Variants in ROBO2 observed in about 807,000 individuals in gnomAD.
ROBO2 encodes the protein roundabout homolog 2.
ROBO2 carries 53 observed loss-of-function variants against 160.8 expected under a neutral mutation model. The observed-to-expected ratio is 0.33, with a 90% CI of 0.26 to 0.41. The LOEUF is 0.41. Ranked by LOEUF, ROBO2 falls within the 10% of genes least tolerant of loss-of-function variation. The probability of loss-of-function intolerance (pLI) is 1.00; values close to 1 mark genes in which losing one functional copy is unlikely to be tolerated. For missense variants in ROBO2, 1,577 were observed against 1,722.4 expected (o/e 0.92, Z 1.49); for synonymous variants, 664 against 611.7 (o/e 1.09, Z -1.26).
chr3:76,216,125 C>T (rs1306326588), intron 2 of ROBO2, among the ~76,000 whole-genome samples: 1 of 152,142 alleles, frequency 6.6e-6, no homozygotes, highest in Non-Finnish European at 1.5e-5. Flanking sequence ...GATTGTGTCA[C>T]CACCAGGCCT....
intron 2 of ROBO2, among the ~76,000 whole-genome samples, chr3:76,995,466 A>C (rs2060945074): frequency 6.6e-6 from 1 of 152,198 alleles, no homozygotes; most frequent in South Asian, 2.1e-4. Context: ...GTATATACCC[A>C]GTAATGGGAT....
chr3:77,551,493 T>A (rs2092919978), intron 8 of ROBO2, among the ~76,000 whole-genome samples: 1 of 152,060 alleles, frequency 6.6e-6, no homozygotes, highest in Non-Finnish European at 1.5e-5. Flanking sequence ...AAATTATTAT[T>A]TTTATTGGCA....
chr3:76,973,796 C>T (rs2059684067), intron 2 of ROBO2, among the ~76,000 whole-genome samples: 1 of 152,000 alleles, frequency 6.6e-6, no homozygotes, highest in South Asian at 2.1e-4. Flanking sequence ...TTTTTGCCAC[C>T]CCATCCCATC....
At chr3:77,298,986 A>G (rs567140249) in intron 2 of ROBO2, among the ~76,000 whole-genome samples, 2 of 152,330 alleles carry the variant, frequency 1.3e-5, no homozygotes, top group Admixed American at 6.5e-5. Context: ...CTTCTAGGGC[A>G]AACAGAATTG....
rs1402032631 is a variant in ROBO2 at position 77,087,400 on chromosome 3, T to C, written c.62-10614T>C. 2.6e-5 allele frequency among the ~76,000 whole-genome samples: 4 copies of C among 152,248 alleles called. No individual in the cohort carries two copies. In the East Asian group the frequency reaches 7.7e-4, roughly 29 times the overall value. ...AGCTGTCTTCCTGGAATAGGGATTG[T>C]TTTTGTCATTGAAAGGTAAATCTGC... On this transcript the variant is annotated intron_variant, in intron 1 of 25. Coordinates refer to ENST00000461745, the Ensembl canonical transcript of ROBO2.
chr3:77,137,975 A>G (rs2076409304), intron 2 of ROBO2, among the ~76,000 whole-genome samples: 1 of 152,002 alleles, frequency 6.6e-6, no homozygotes, highest in Non-Finnish European at 1.5e-5. Context: ...TTTTTTTTCA[A>G]TATGCCAGAC....
At chr3:76,055,188 G>GA (rs1197620181) in intron 2 of ROBO2, among the ~76,000 whole-genome samples, 1 of 152,000 alleles carries the variant, frequency 6.6e-6, no homozygotes, top group African/African-American at 2.4e-5. Context: ...GAACAGCATG[G>GA]AAAAAACCGC....
intron 2 of ROBO2, among the ~76,000 whole-genome samples, chr3:77,283,003 A>G (rs1226528510): frequency 1.3e-5 from 2 of 152,194 alleles, no homozygotes; most frequent in South Asian, 4.1e-4. Flanking sequence ...TGAGAATTTA[A>G]ATGTCAATTA....
chr3:76,975,127 T>C (rs996686072), intron 2 of ROBO2, among the ~76,000 whole-genome samples: 7 of 152,196 alleles, frequency 4.6e-5, no homozygotes, highest in African/African-American at 1.7e-4. Flanking sequence ...TTAGTTGATG[T>C]CATTGTTTAT....
intron 2 of ROBO2, among the ~76,000 whole-genome samples, chr3:76,160,824 AC>A (rs1180589203): frequency 6.6e-5 from 10 of 152,148 alleles, no homozygotes; most frequent in Non-Finnish European, 1.2e-4. Context: ...TAGCAAAAAA[AC>A]CCATGAAATA....
intron 2 of ROBO2, among the ~76,000 whole-genome samples, chr3:76,701,996 A>G (rs1406277040): frequency 6.6e-6 from 1 of 152,046 alleles, no homozygotes; most frequent in African/African-American, 2.4e-5. Context: ...CTTTTTCTGC[A>G]CCAATATCTA....
intron 2 of ROBO2, among the ~76,000 whole-genome samples, chr3:76,674,837 A>G (rs1468632029): frequency 1.3e-5 from 2 of 152,154 alleles, no homozygotes; most frequent in African/African-American, 2.4e-5. Flanking sequence ...TGTTTTTGAG[A>G]AAGTCTGGCT....
At chr3:76,958,833 A>G (rs1577840688) in intron 2 of ROBO2, among the ~76,000 whole-genome samples, 2 of 152,210 alleles carry the variant, frequency 1.3e-5, no homozygotes, top group East Asian at 3.9e-4. Context: ...GTGTATTCAC[A>G]TATGTTTTGC....
intron 1 of ROBO2, 122 bp downstream of exon 1, chr3:77,040,968 G>T: frequency 7.7e-7 from 1 of 1,304,864 alleles, no homozygotes. Flanking sequence ...AGTCCGTTTT[G>T]GCCCGGCACG....
intron 2 of ROBO2, among the ~76,000 whole-genome samples, chr3:76,584,987 G>A (rs2085944139): frequency 6.6e-6 from 1 of 152,136 alleles, no homozygotes; most frequent in South Asian, 2.1e-4. Context: ...TTCAACAGCA[G>A]TTCATTCATC....
intron 2 of ROBO2, among the ~76,000 whole-genome samples, chr3:76,132,398 G>A (rs1055807039): frequency 7.7e-6 from 1 of 130,626 alleles, no homozygotes; most frequent in African/African-American, 2.8e-5. Context: ...GACTGTTGGG[G>A]GGGGGGGGGG....
chr3:77,648,404 T>C (rs1271456980), exon 26 of ROBO2: 1 of 152,328 alleles, frequency 6.6e-6, no homozygotes, highest in East Asian at 1.9e-4. Flanking sequence ...AGTATGTGTG[T>C]GCAGATGACT....
intron 2 of ROBO2, among the ~76,000 whole-genome samples, chr3:76,712,948 A>C (rs762086927): frequency 6.0e-4 from 92 of 152,314 alleles, no homozygotes; most frequent in Middle Eastern, 3.4e-3. Flanking sequence ...ATGTTTCTAA[A>C]ACTTATTTTC....
chr3:76,953,406 A>G (rs2079068441), intron 2 of ROBO2, among the ~76,000 whole-genome samples: 1 of 152,188 alleles, frequency 6.6e-6, no homozygotes. Flanking sequence ...TAGTACTATC[A>G]AAGTATACTT....
Sources: allele counts gnomAD v4.1 joint callset (sites outside exome capture counted in the v4.1 genomes callset), GRCh38; gene constraint gnomAD v4.1.1; transcripts MANE v1.5; gene names NCBI Gene and HGNC (gene_info 2026-07-23, HGNC 2026-07-21).